Variants in DIP2C observed in about 807,000 individuals in gnomAD.
DIP2C encodes the protein disco-interacting protein 2 homolog C.
DIP2C carries 33 observed loss-of-function variants against 192.4 expected under a neutral mutation model. The ratio of observed to expected loss-of-function variants is 0.17; its 90% confidence interval spans 0.13 to 0.23. The LOEUF (loss-of-function observed/expected upper bound fraction) is 0.23. DIP2C is among the 10% of genes least tolerant of loss of function. The probability of loss-of-function intolerance (pLI) is 1.00; values close to 1 mark genes in which losing one functional copy is unlikely to be tolerated. For missense variants in DIP2C, 1,537 were observed against 2,110.1 expected (o/e 0.73, Z 5.32); for synonymous variants, 979 against 864.1 (o/e 1.13, Z -2.33).
At chr10:591,392 C>T (rs1042348358) in intron 1 of DIP2C, among the ~76,000 whole-genome samples, 20 of 152,058 alleles carry the variant, frequency 1.3e-4, no homozygotes, top group Non-Finnish European at 2.4e-4. Context: ...CTCAAAGTGC[C>T]GGGATTACAG....
At chr10:525,861 T>C (rs76842551) in intron 1 of DIP2C, among the ~76,000 whole-genome samples, 1,578 of 152,074 alleles carry the variant, frequency 0.01, 29 homozygotes, top group African/African-American at 0.036. Context: ...CCCTGGAGGG[T>C]AGTCAACCCA....
chr10:369,851 G>C, intron 17 of DIP2C: 1 of 1,341,422 alleles, frequency 7.5e-7, no homozygotes. Flanking sequence ...ACATTCCCAG[G>C]GAATCCCAAG....
intron 30 of DIP2C, 66 bp from the exon 31 acceptor site, chr10:327,242 C>T (rs1957313829): frequency 6.5e-7 from 1 of 1,537,580 alleles, no homozygotes; most frequent in Non-Finnish European, 8.8e-7. Flanking sequence ...GCCAGAGACT[C>T]CTTCCCACAG....
intron 10 of DIP2C, among the ~76,000 whole-genome samples, chr10:394,572 ATAG>A (rs1963810095): frequency 7.3e-6 from 1 of 136,182 alleles, no homozygotes; most frequent in South Asian, 2.5e-4. Flanking sequence ...ATTACGTCAC[ATAG>A]TGGGCGCTAT....
At position 527,896 on chromosome 10, in the gene DIP2C, T is replaced by TC. The variant is rs1421234226; in HGVS notation, c.86-41367dup. ...GCAGCCAGTTGTTCACCAACATCCATCGTCCATCCTCCAGGCCACGGCTAC... is the reference window on the plus strand; with the variant it reads ...GCAGCCAGTTGTTCACCAACATCCATCCGTCCATCCTCCAGGCCACGGCTAC... On this transcript the variant is annotated intron_variant, in intron 1 of 36. Transcript: ENST00000280886. Among the ~76,000 whole-genome samples the TC allele has an allele frequency of 9.8e-5, 15 of 152,300 alleles. No homozygotes were observed. The East Asian group carries it at 2.3e-3, about 24-fold the overall frequency.
Position 364,427 on chromosome 10 carries a change from G to A in DIP2C, c.2424C>T (p.Asp808=), listed in dbSNP as rs1219412336. The A allele has an allele frequency of 3.7e-6, 6 of 1,614,068 alleles. No homozygotes were observed. Among genetic ancestry groups the A allele is most frequent in the Middle Eastern group, 1.6e-4 (1 of 6,062 alleles). The change falls in exon 20 of 37, where the codon GAC becomes GAT. Residue 808 remains aspartate (D), a synonymous_variant. Transcript: ENST00000280886. The part of the protein sequence containing the change: ...VVSGRRHNAD[D]IVATALAVEP... The stretch of plus-strand genomic sequence containing the variant: ...CTACGGCCAGCGCAGTGGCCACGAT[G>A]TCGTCGGCGTTGTGCCTGCGCCCGC...
In DIP2C at chr10:283,263, G is replaced by A; in HGVS notation, c.4294+9C>T. 6.2e-7 allele frequency: 1 copy of A among 1,613,066 alleles called. No homozygotes were observed. Among genetic ancestry groups the A allele is most frequent in the Non-Finnish European group, 8.5e-7 (1 of 1,179,498 alleles). On this transcript the variant is annotated intron_variant, in intron 35 of 36. Transcript: ENST00000280886. Reference sequence around the variant, plus strand: ...CTGTTGGGGGGGGGCCGCCAGCCTGGACTCTCACCTCCATTTGCATCTGTG... The same window carrying A: ...CTGTTGGGGGGGGGCCGCCAGCCTGAACTCTCACCTCCATTTGCATCTGTG...
At chr10:538,944 G>T (rs1300081478) in intron 1 of DIP2C, among the ~76,000 whole-genome samples, 2 of 151,146 alleles carry the variant, frequency 1.3e-5, no homozygotes, top group Admixed American at 1.3e-4. Context: ...GTTGTGAGTT[G>T]TCTGTTCATG....
intron 26 of DIP2C, 184 bp from the exon 27 acceptor site, chr10:345,294 G>T: frequency 1.4e-6 from 1 of 703,566 alleles, no homozygotes; most frequent in South Asian, 1.5e-5. Flanking sequence ...TGGAGGCACG[G>T]GGGCAGGGCA....
chr10:555,848 G>C (rs538846334), intron 1 of DIP2C, among the ~76,000 whole-genome samples: 52 of 152,234 alleles, frequency 3.4e-4, no homozygotes, highest in African/African-American at 1.2e-3. Context: ...CCCCACGGGA[G>C]GAACACCCAT....
At chr10:557,639 C>T (rs1013475477) in intron 1 of DIP2C, among the ~76,000 whole-genome samples, 1 of 110,306 alleles carries the variant, frequency 9.1e-6, no homozygotes, top group African/African-American at 3.7e-5. Context: ...TGACCCAATA[C>T]AGGGTGGTGA....
chr10:476,234 T>G (rs1306473995), intron 2 of DIP2C, among the ~76,000 whole-genome samples: 2 of 152,060 alleles, frequency 1.3e-5, no homozygotes. Flanking sequence ...GAGATGGAGA[T>G]GAGGTTCTCC....
intron 1 of DIP2C, among the ~76,000 whole-genome samples, chr10:540,127 A>G (rs1314260462): frequency 6.6e-6 from 1 of 152,274 alleles, no homozygotes. Flanking sequence ...AAAAGGACAC[A>G]GCATATTTCC....
chr10:670,351 TACATAC>T (rs933511591), intron 1 of DIP2C, among the ~76,000 whole-genome samples: 16 of 150,044 alleles, frequency 1.1e-4, no homozygotes, highest in African/African-American at 3.5e-4. Flanking sequence ...TACATGCACA[TACATAC>T]ACATACACAC....
At chr10:482,173 G>GCAGCGGCATGGCTGTCGGGAGGGA (rs1261839512) in intron 2 of DIP2C, among the ~76,000 whole-genome samples, 1 of 152,184 alleles carries the variant, frequency 6.6e-6, no homozygotes, top group Non-Finnish European at 1.5e-5. Flanking sequence ...TCATGTGGAT[G>GCAGCGGCATGGCTGTCGGGAGGGA]CAGCGGCATG....
At chr10:450,896 CACTT>C (rs1488255339) in intron 3 of DIP2C, among the ~76,000 whole-genome samples, 2 of 152,172 alleles carry the variant, frequency 1.3e-5, no homozygotes, top group Non-Finnish European at 2.9e-5. Flanking sequence ...TTGGTTCTGT[CACTT>C]ACACACACAC....
At chr10:310,735 T>C (rs1414289545) in intron 31 of DIP2C, among the ~76,000 whole-genome samples, 1 of 152,196 alleles carries the variant, frequency 6.6e-6, no homozygotes, top group Non-Finnish European at 1.5e-5. Flanking sequence ...AATCTTTTCT[T>C]GGCACCATAA....
chr10:345,186 G>A (rs908116279), intron 26 of DIP2C, 76 bp from the exon 27 acceptor site: 3 of 1,327,092 alleles, frequency 2.3e-6, no homozygotes, highest in Non-Finnish European at 3.2e-6. Context: ...CGGGTCTCCT[G>A]CTTACTACAT....
chr10:559,261 C>CA (rs539001124), intron 1 of DIP2C, among the ~76,000 whole-genome samples: 279 of 151,888 alleles, frequency 1.8e-3, no homozygotes, highest in Non-Finnish European at 1.4e-3. Context: ...CCACAGACCC[C>CA]ACGACGAGGG....
Sources: gnomAD v4.1 joint callset for allele counts (sites outside exome capture counted in the v4.1 genomes callset) on GRCh38, gnomAD v4.1.1 for gene constraint, MANE v1.5 for transcripts, NCBI Gene and HGNC (gene_info 2026-07-23, HGNC 2026-07-21) for gene names.